Variants in GRWD1 observed in about 807,000 individuals in gnomAD.
GRWD1 encodes glutamate-rich WD repeat-containing protein 1.
Under a neutral mutation model 45.3 loss-of-function variants are expected in GRWD1, and 29 were observed. The ratio of observed to expected loss-of-function variants is 0.64; its 90% CI spans 0.48 to 0.87. The LOEUF is 0.87. Among genes scored for constraint, GRWD1 ranks in the 40% least tolerant of loss-of-function variants. The pLI is 0.00. For synonymous variants in GRWD1, 262 were observed against 257.6 expected (o/e 1.02, Z -0.16); for missense variants, 592 against 618.8 (o/e 0.96, Z 0.46).
chr19:48,446,066 T>A lies in GRWD1; in HGVS notation c.61T>A (p.Ser21Thr). The A allele has an allele frequency of 6.3e-7, 1 of 1,596,492 alleles. No homozygotes were observed. The highest frequency in any genetic ancestry group is 8.5e-7 in the Non-Finnish European group (1 of 1,173,348). ...CETGEPMEAESGDTSSEGPAQ... is the reference protein window; with the variant it reads ...CETGEPMEAETGDTSSEGPAQ... ...AACCGGGGAACCCATGGAAGCCGAG[T>A]CCGGCGACACAAGTTCCGAGGGCCC... The change falls in exon 1 of 7, where the codon TCC becomes ACC. Residue 21 changes from serine to threonine, a missense_variant. Ser to Thr is a moderately conservative substitution (Grantham distance 58). Transcript: ENST00000253237.
In GRWD1 at chr19:48,446,472, G is replaced by C; in HGVS notation, c.275G>C (p.Gly92Ala). Residue 92 changes from glycine to alanine, a missense_variant, in exon 2 of 7, where the codon GGG becomes GCG. Gly to Ala is a moderately conservative substitution (Grantham distance 60). Coordinates refer to ENST00000253237, the MANE Select transcript of GRWD1 (RefSeq NM_031485.4). ...CCTCTTACACTTTACTTGTGTGCTG[G>C]GACCCAGGCTGAGAGCGCCCAGAGC... ...ELPLTLYLCA[G>A]TQAESAQSNR... 1 of 1,614,124 alleles carries C rather than the reference G, an allele frequency of 6.2e-7. No homozygotes were observed. The highest frequency in any genetic ancestry group is 8.5e-7 in the Non-Finnish European group (1 of 1,180,016).
rs58562169 is a variant in GRWD1, at chr19:48,452,089, CTTTTTTT to C, written c.1024-608_1024-602del. Among the ~76,000 whole-genome samples the C allele has an allele frequency of 6.9e-6, 1 of 145,960 alleles. No homozygotes were observed. The highest frequency in any genetic ancestry group is 2.5e-5 in the African/African-American group (1 of 39,402). On this transcript the variant is annotated intron_variant, in intron 6 of 6. Transcript: ENST00000253237. The surrounding 1 kb of genome is among the most constrained non-coding windows in gnomAD (Gnocchi z 5.1). ...GGGAGAGCCATGCCCTCCTTTTTTT[CTTTTTTT>C]TTTTTTTTTTCTTTTTTTTTGCGAT...
At position 48,456,795 on chromosome 19, in the gene GRWD1, A is replaced by G. The variant is rs1044442310; in HGVS notation, c.*3770A>G. ...CATGCCCAGCCCTTTCCTTTGGTCC[A>G]CCCTGACAGGCTGCTGCGATTCCCT... On this transcript the variant is annotated 3_prime_UTR_variant, in exon 7 of 7. Coordinates refer to ENST00000253237, the MANE Select transcript of GRWD1 (RefSeq NM_031485.4). The G allele has an allele frequency of 6.6e-6, 1 of 151,424 alleles. No individual in the cohort carries two copies. Among genetic ancestry groups the G allele is most frequent in the African/African-American group, 2.4e-5 (1 of 41,232 alleles). The allele number at this position is 151,424 out of a possible 1,614,324, so 9.4% of individuals were successfully genotyped here.
intron 6 of GRWD1, among the ~76,000 whole-genome samples, chr19:48,451,461 A>C (rs1254318277): frequency 6.6e-6 from 1 of 152,114 alleles, no homozygotes; most frequent in Non-Finnish European, 1.5e-5. Flanking sequence ...AACAGCTGAC[A>C]AGAGATGGAA....
rs1162110653 is a variant in GRWD1, at chr19:48,450,467, TCTC to T, written c.626_628del (p.Ser209del). Reference sequence around the variant, plus strand: ...GAGCAGGCCCAAATGAAGCCCATCTTCTCCTTCGCTGGACACATGGGCGAGGGC... The same window carrying T: ...GAGCAGGCCCAAATGAAGCCCATCTTCTTCGCTGGACACATGGGCGAGGGC... On this transcript the variant is annotated inframe_deletion, in exon 4 of 7. Transcript: ENST00000253237. The surrounding 1 kb of genome is among the most constrained non-coding windows in gnomAD (Gnocchi z 5.1). 2.9e-5 allele frequency: 46 copies of T among 1,613,988 alleles called. No homozygotes were observed. Among genetic ancestry groups the T allele is most frequent in the Non-Finnish European group, 3.7e-5 (44 of 1,180,028 alleles).
rs1971485784 is a variant in GRWD1, at chr19:48,452,420, GA to G, written c.1024-284del. Among the ~76,000 whole-genome samples the G allele has an allele frequency of 6.6e-6, 1 of 152,146 alleles. No individual in the cohort carries two copies. Among genetic ancestry groups the G allele is most frequent in the African/African-American group, 2.4e-5 (1 of 41,442 alleles). The stretch of plus-strand genomic sequence containing the variant: ...GCCCATGCCCTCCTTTTACAAGGAA[GA>G]AAACAGGCAGGCAGAGGGAAGAGCA... On this transcript the variant is annotated intron_variant, in intron 6 of 6. Coordinates refer to ENST00000253237, the MANE Select transcript of GRWD1 (RefSeq NM_031485.4). The surrounding 1 kb of genome is among the most constrained non-coding windows in gnomAD (Gnocchi z 5.1).
In GRWD1 at chr19:48,451,362, C is replaced by G. The variant is rs1404970790; in HGVS notation, c.1023+131C>G. ...GAGAGCCCTTAGAACTAGACTCCTG[C>G]CTCTTCAGGGTACAGAGGAGGAAAC... On this transcript the variant is annotated intron_variant, in intron 6 of 6. Transcript: ENST00000253237. 6 of 769,472 alleles carry G rather than the reference C, an allele frequency of 7.8e-6. No individual in the cohort carries two copies. In the African/African-American group the frequency reaches 8.8e-5, roughly 11 times the overall value. 47.7% of individuals were successfully genotyped at this position (769,472 alleles called of 1,614,324 possible). A position where few individuals can be genotyped will look rare whatever the true frequency, so the allele number is the denominator to read the frequency against.
chr19:48,451,500 T>G (rs2147485849), intron 6 of GRWD1, among the ~76,000 whole-genome samples: 1 of 152,246 alleles, frequency 6.6e-6, no homozygotes, highest in East Asian at 1.9e-4. Flanking sequence ...ACTAGGACTC[T>G]CATCTGCCTG....
chr19:48,451,394 T>G (rs564139381), intron 6 of GRWD1, among the ~76,000 whole-genome samples, 163 bp downstream of exon 6: 26 of 152,116 alleles, frequency 1.7e-4, no homozygotes, highest in African/African-American at 5.8e-4. Flanking sequence ...AAACTGAGGC[T>G]CAGCAAGAGG....
rs887047041 is a variant in GRWD1 at position 48,446,060 on chromosome 19, G to A, written c.55G>A (p.Ala19Thr). ...GTGTGAAACCGGGGAACCCATGGAA[G>A]CCGAGTCCGGCGACACAAGTTCCGA... ...RTCETGEPME[A>T]ESGDTSSEGP... Residue 19 changes from alanine (A) to threonine (T), a missense_variant, in exon 1 of 7, where the codon GCC (alanine) becomes ACC (threonine). Coordinates refer to ENST00000253237, the MANE Select transcript of GRWD1 (RefSeq NM_031485.4). 7 of 1,597,070 alleles carry A rather than the reference G, an allele frequency of 4.4e-6. No individual in the cohort carries two copies. Among genetic ancestry groups the A allele is most frequent in the Admixed American group, 3.5e-5 (2 of 56,800 alleles).
At position 48,452,843 on chromosome 19, in the gene GRWD1, C is replaced by T. The variant is rs750538304; in HGVS notation, c.1159C>T (p.Arg387Trp). 13 of 1,613,444 alleles carry T rather than the reference C, an allele frequency of 8.1e-6. No homozygotes were observed. Among genetic ancestry groups the T allele is most frequent in the South Asian group, 3.3e-5 (3 of 91,058 alleles). Residue 387 changes from arginine to tryptophan, a missense_variant, in exon 7 of 7, where the codon CGG becomes TGG. By Grantham distance (101) the Arg-to-Trp change is moderately radical (BLOSUM62 -3). Transcript: ENST00000253237. The surrounding 1 kb of genome is among the most constrained non-coding windows in gnomAD (Gnocchi z 5.1). ...QITQWDLAVE[R>W]DPEAGDVEAD... ...CACACAGTGGGACCTGGCAGTGGAG[C>T]GGGACCCTGAGGCGGGCGACGTGGA...
intron 6 of GRWD1, among the ~76,000 whole-genome samples, chr19:48,451,810 C>G (rs572254941): frequency 6.6e-6 from 1 of 152,250 alleles, no homozygotes; most frequent in Admixed American, 6.5e-5. Flanking sequence ...CCAGTTTGAT[C>G]GTTTCTATAG....
chr19:48,450,690 A>G lies in GRWD1; in HGVS notation c.707A>G (p.Gln236Arg). The G allele has an allele frequency of 1.9e-6, 3 of 1,614,006 alleles. No homozygotes were observed. Among genetic ancestry groups the G allele is most frequent in the Non-Finnish European group, 2.5e-6 (3 of 1,180,004 alleles). Reference protein sequence around the residue: ...VTGRLLTGDCQKNIHLWTPTD... With the variant: ...VTGRLLTGDCRKNIHLWTPTD... ...GGTCGCCTGCTGACCGGTGACTGTC[A>G]AAAGAACATCCACCTCTGGACACCT... is the stretch of plus-strand genomic sequence containing the variant. The change falls in exon 5 of 7, where the codon CAA (glutamine) becomes CGA (arginine). Residue 236 changes from glutamine (Q) to arginine (R), a missense_variant. Coordinates refer to ENST00000253237, the MANE Select transcript of GRWD1 (RefSeq NM_031485.4). The surrounding 1 kb of genome is among the most constrained non-coding windows in gnomAD (Gnocchi z 5.1).
chr19:48,449,936 C>T (rs756058524), intron 3 of GRWD1, among the ~76,000 whole-genome samples: 118 of 152,252 alleles, frequency 7.8e-4, no homozygotes, highest in Non-Finnish European at 1.4e-3. Flanking sequence ...TGAACAAACA[C>T]AGAGGCAAGG....
chr19:48,450,299 C>T lies in GRWD1; in HGVS notation c.469-14C>T, dbSNP rs1971455725. On this transcript the variant is annotated splice_polypyrimidine_tract_variant and intron_variant, in intron 3 of 6. Transcript: ENST00000253237. The surrounding 1 kb of genome is among the most constrained non-coding windows in gnomAD (Gnocchi z 5.1). ...CTCGCTTCACATCACCCTTCCCCCA[C>T]CGCTCTTCTGCAGGTGTCATGGCTG... 1.2e-6 allele frequency: 2 copies of T among 1,602,004 alleles called. No homozygotes were observed. The highest frequency in any genetic ancestry group is 2.2e-5 in the East Asian group (1 of 44,638).
In GRWD1 at chr19:48,446,500, C is replaced by T; in HGVS notation, c.303C>T (p.Asn101=). ...CCCAGGCTGAGAGCGCCCAGAGCAA[C>T]AGGTAAGACCCGAGGCTTTTCCAGG... ...AGTQAESAQS[N]RLMMLRMHNL... The change falls in exon 2 of 7, where the codon AAC becomes AAT. Residue 101 remains asparagine (N), a splice_region_variant and synonymous_variant. Transcript: ENST00000253237. The T allele has an allele frequency of 1.2e-6, 2 of 1,613,526 alleles. No individual in the cohort carries two copies. Among genetic ancestry groups the T allele is most frequent in the Non-Finnish European group, 1.7e-6 (2 of 1,179,466 alleles).
At chr19:48,446,910 T>C in intron 3 of GRWD1, 67 bp downstream of exon 3, 1 of 1,276,824 alleles carries the variant, frequency 7.8e-7, no homozygotes, top group Non-Finnish European at 1.1e-6. Flanking sequence ...CCTGTGTCCA[T>C]AACTCCCAAC....
intron 1 of GRWD1, 86 bp from the exon 2 acceptor site, chr19:48,446,299 A>G (rs1971401248): frequency 1.3e-6 from 2 of 1,556,512 alleles, no homozygotes; most frequent in East Asian, 2.2e-5. Context: ...GTGATTTCAT[A>G]CCGGAGGCGG....
At chr19:48,451,361 G>T (rs1971474296) in intron 6 of GRWD1, 130 bp downstream of exon 6, 4 of 771,570 alleles carry the variant, frequency 5.2e-6, no homozygotes, top group Admixed American at 3.0e-5. Flanking sequence ...CTAGACTCCT[G>T]CCTCTTCAGG....
Sources: gnomAD v4.1 joint callset for allele counts (sites outside exome capture counted in the v4.1 genomes callset) on GRCh38, gnomAD v4.1.1 for gene constraint, Gnocchi (gnomAD v3.1) non-coding constraint, MANE v1.5 for transcripts, NCBI Gene and HGNC (gene_info 2026-07-23, HGNC 2026-07-21) for gene names.